The following MYO10 variants were observed in gnomAD, a reference collection of about 807,000 sequenced individuals.
MYO10 encodes myosin X.
Under a neutral mutation model 257.3 loss-of-function variants are expected in MYO10, and 133 were observed. The observed-to-expected ratio is 0.52, with a 90% CI of 0.45 to 0.60. The LOEUF (loss-of-function observed/expected upper bound fraction) is 0.60, where lower values mean the gene tolerates loss of function less well. Ranked by LOEUF, MYO10 falls within the 20% of genes least tolerant of loss-of-function variation. The pLI is 0.00. For synonymous variants in MYO10, 1,104 were observed against 1,028.6 expected, an observed-to-expected ratio of 1.07 and a Z score of -1.40; for missense variants, 2,399 against 2,635.7, an observed-to-expected ratio of 0.91 and a Z score of 1.97.
chr5:16,736,041 G>A (rs1026406867), intron 19 of MYO10, among the ~76,000 whole-genome samples: 3 of 152,084 alleles, frequency 2.0e-5, no homozygotes, highest in African/African-American at 4.8e-5. Flanking sequence ...CTATGTCTCA[G>A]ATACGCGACT....
chr5:16,682,064 A>C, intron 30 of MYO10, 51 bp from the exon 31 acceptor site: 1 of 1,589,032 alleles, frequency 6.3e-7, no homozygotes, highest in Non-Finnish European at 8.6e-7. Context: ...TACCGTCAGC[A>C]TCACCTCTGT....
Position 16,670,952 on chromosome 5 carries a change from G to C in MYO10, c.5457C>G (p.His1819Gln). The C allele has an allele frequency of 6.2e-7, 1 of 1,612,016 alleles. No individual in the cohort carries two copies. The highest frequency in any genetic ancestry group is 8.5e-7 in the Non-Finnish European group (1 of 1,178,290). Reference protein sequence around the residue: ...EQAHEAVIHGHHPAPEENLQV... With the variant: ...EQAHEAVIHGQHPAPEENLQV... ...GGAGGTTTTCTTCCGGGGCTGGATG[G>C]TGGCCATGGATAACCGCTTCGTGGG... The change falls in exon 39 of 41, where the codon CAC becomes CAG. Residue 1819 changes from histidine to glutamine, a missense_variant. This residue lies in a region of MYO10 where 1,820 missense variants were observed against 1,939.4 expected (regional missense o/e 0.94). Transcript: ENST00000513610.
chr5:16,890,739 C>A (rs920047851), intron 1 of MYO10, among the ~76,000 whole-genome samples: 7 of 151,700 alleles, frequency 4.6e-5, no homozygotes, highest in Admixed American at 3.3e-4. Context: ...ACTCTGGAGG[C>A]TGAGACAGGA....
At chr5:16,857,743 A>T (rs2126742384) in intron 2 of MYO10, among the ~76,000 whole-genome samples, 1 of 152,302 alleles carries the variant, frequency 6.6e-6, no homozygotes, top group South Asian at 2.1e-4. Flanking sequence ...ACCTCCTCTC[A>T]CTGGGAAAAC....
chr5:16,835,394 G>C (rs1479940371), intron 2 of MYO10, among the ~76,000 whole-genome samples: 1 of 151,108 alleles, frequency 6.6e-6, no homozygotes, highest in Non-Finnish European at 1.5e-5. Context: ...TTAGCCGGGC[G>C]TTGTGGAGCA....
chr5:16,725,058 A>G (rs1296749512), intron 19 of MYO10, among the ~76,000 whole-genome samples: 1 of 145,034 alleles, frequency 6.9e-6, no homozygotes, highest in Admixed American at 7.0e-5. Flanking sequence ...CAGGATATAC[A>G]GTTCTCTCAC....
In MYO10 at chr5:16,877,715, C is replaced by T; in HGVS notation, c.22-8G>A. The stretch of plus-strand genomic sequence containing the variant: ...CAGCCAGACCCGTGTTCCCTGTAAA[C>T]AAAACAAACAAGACTGAACTGAGTT... On this transcript the variant is annotated splice_region_variant and splice_polypyrimidine_tract_variant and intron_variant, in intron 1 of 40. Transcript: ENST00000513610. The T allele has an allele frequency of 6.2e-7, 1 of 1,605,760 alleles. No individual in the cohort carries two copies. Among genetic ancestry groups the T allele is most frequent in the Non-Finnish European group, 8.5e-7 (1 of 1,173,822 alleles).
At chr5:16,697,972 C>CA (rs1737838967) in intron 26 of MYO10, among the ~76,000 whole-genome samples, 1 of 152,146 alleles carries the variant, frequency 6.6e-6, no homozygotes, top group Non-Finnish European at 1.5e-5. Context: ...AACTCCTGCC[C>CA]AAAATTGGTG....
intron 4 of MYO10, among the ~76,000 whole-genome samples, chr5:16,787,890 C>T (rs1014114639): frequency 3.9e-5 from 6 of 152,088 alleles, no homozygotes; most frequent in Non-Finnish European, 7.3e-5. Context: ...CACCACCTCC[C>T]CAGGTTCAAG....
intron 29 of MYO10, among the ~76,000 whole-genome samples, chr5:16,684,296 G>A (rs960920392): frequency 3.3e-5 from 5 of 152,062 alleles, no homozygotes; most frequent in African/African-American, 4.8e-5. Flanking sequence ...CCCAGGCTGC[G>A]CAATGGTGTG....
chr5:16,798,563 T>C (rs974644285), intron 3 of MYO10, among the ~76,000 whole-genome samples: 3 of 152,174 alleles, frequency 2.0e-5, no homozygotes, highest in African/African-American at 7.2e-5. Context: ...CAGTGCCTCC[T>C]TCTATCTAAC....
chr5:16,760,426 A>G (rs1004841115), intron 17 of MYO10, among the ~76,000 whole-genome samples: 4 of 150,004 alleles, frequency 2.7e-5, no homozygotes, highest in East Asian at 3.9e-4. Flanking sequence ...GCGCCACTGC[A>G]CTCCAGTCTG....
At chr5:16,778,167 TAAGGGCTCTGGTA>T (rs1741279247) in intron 9 of MYO10, among the ~76,000 whole-genome samples, 1 of 152,014 alleles carries the variant, frequency 6.6e-6, no homozygotes, top group Non-Finnish European at 1.5e-5. Context: ...ACTGTTCTAA[TAAGGGCTCTGGTA>T]AAGAACTTAA....
At position 16,874,401 on chromosome 5, in the gene MYO10, C is replaced by T. The variant is rs189963662; in HGVS notation, c.120+3208G>A. ...TAGTCAGGCTGCAAAATTTCCAAACCGTTATGCTCGCTTCCCTTATAAAAC... is the reference window on the plus strand; with the variant it reads ...TAGTCAGGCTGCAAAATTTCCAAACTGTTATGCTCGCTTCCCTTATAAAAC... On this transcript the variant is annotated intron_variant, in intron 2 of 40. Coordinates refer to ENST00000513610, the MANE Select transcript of MYO10 (RefSeq NM_012334.3). 6.7e-4 allele frequency among the ~76,000 whole-genome samples: 93 copies of T among 139,674 alleles called. 1 individual carries two copies. The highest frequency in any genetic ancestry group is 2.3e-3 in the African/African-American group (88 of 38,600). 91.6% of individuals were successfully genotyped at this position (139,674 alleles called of 152,430 possible). A position where few individuals can be genotyped will look rare whatever the true frequency, so the allele number is the denominator to read the frequency against.
intron 37 of MYO10, among the ~76,000 whole-genome samples, chr5:16,672,277 A>G (rs879756315): frequency 8.9e-5 from 13 of 145,880 alleles, no homozygotes; most frequent in African/African-American, 3.1e-4. Context: ...CCTGGGCAAC[A>G]GAGCAAGACT....
At chr5:16,819,997 G>A (rs948074273) in intron 2 of MYO10, among the ~76,000 whole-genome samples, 2 of 152,234 alleles carry the variant, frequency 1.3e-5, no homozygotes, top group South Asian at 4.1e-4. Context: ...TCCACCAGGA[G>A]AGGAGACAGT....
chr5:16,785,495 C>T (rs6877325), intron 4 of MYO10, among the ~76,000 whole-genome samples: 115,127 of 151,950 alleles, frequency 0.76, 43,959 homozygotes, highest in Non-Finnish European at 0.82. Flanking sequence ...GAGGCCGAAA[C>T]AATGTTATGT....
chr5:16,805,513 A>AGAC (rs1396820381), intron 3 of MYO10, among the ~76,000 whole-genome samples: 3 of 151,714 alleles, frequency 2.0e-5, no homozygotes, highest in Non-Finnish European at 4.4e-5. Context: ...AAGGTCTATG[A>AGAC]GACAACATTT....
intron 2 of MYO10, among the ~76,000 whole-genome samples, chr5:16,876,449 T>C (rs1000511560): frequency 3.3e-5 from 5 of 152,182 alleles, no homozygotes; most frequent in Admixed American, 1.3e-4. Context: ...GGTAGATAAA[T>C]AGGCTCAGCT....
Sources: allele counts gnomAD v4.1 joint callset (sites outside exome capture counted in the v4.1 genomes callset), GRCh38; gene constraint gnomAD v4.1.1; regional missense constraint gnomAD v4.1.1; transcripts MANE v1.5; gene names NCBI Gene and HGNC (gene_info 2026-07-23, HGNC 2026-07-21).